The following KCNH4 variants were observed in gnomAD, a reference collection of about 807,000 sequenced individuals.
The protein encoded by KCNH4 is potassium voltage-gated channel subfamily H member 4, also known as voltage-gated delayed rectifier potassium channel KCNH4.
KCNH4 carries 33 observed loss-of-function variants against 90.7 expected under a neutral mutation model. That is an observed-to-expected ratio of 0.36 (90% CI 0.28 to 0.49). The LOEUF (loss-of-function observed/expected upper bound fraction) is 0.49, where lower values mean the gene tolerates loss of function less well. KCNH4 is among the 20% of genes least tolerant of loss of function. The pLI, the probability that KCNH4 is intolerant of heterozygous loss-of-function variation, is 0.98. For missense variants in KCNH4, 1,044 were observed against 1,387.1 expected, an observed-to-expected ratio of 0.75 and a Z score of 3.93; for synonymous variants, 551 against 581.7, an observed-to-expected ratio of 0.95 and a Z score of 0.76.
At position 42,163,794 on chromosome 17, in the gene KCNH4, G is replaced by T. The variant is rs757101246; in HGVS notation, c.2289C>A (p.Gly763=). ...GGGCTGAGAATGGGGGCAGCTCCTC[G>T]CCCAAAAGGCTGACCAGGGAGCCCC... ...RPRGSLVSLL[G]EELPPFSALV... Residue 763 remains glycine (G), a synonymous_variant, in exon 13 of 17, where the codon GGC becomes GGA. Coordinates refer to ENST00000264661, the MANE Select transcript of KCNH4 (RefSeq NM_012285.3). This position sits in a 1 kb window ranked among gnomAD's most constrained non-coding sequence, Gnocchi z 5.4. 2.1e-5 allele frequency: 32 copies of T among 1,540,348 alleles called. No individual in the cohort carries two copies. The Middle Eastern group carries it at 6.4e-4, about 31-fold the overall frequency.
chr17:42,181,026 G>C lies in KCNH4; in HGVS notation c.-81C>G. ...CCGGAGGGGGCGCGCTGTCGGAGGGGCCGGGGCGCCCCATGCGCCCTCCTG... is the reference window on the plus strand; with the variant it reads ...CCGGAGGGGGCGCGCTGTCGGAGGGCCCGGGGCGCCCCATGCGCCCTCCTG... On this transcript the variant is annotated 5_prime_UTR_variant, in exon 1 of 17. Coordinates refer to ENST00000264661, the MANE Select transcript of KCNH4 (RefSeq NM_012285.3). The C allele has an allele frequency of 1.5e-6, 2 of 1,307,238 alleles. No homozygotes were observed. The highest frequency in any genetic ancestry group is 2.1e-6 in the Non-Finnish European group (2 of 939,666). The allele number at this position is 1,307,238 out of a possible 1,614,324, so 81.0% of individuals were successfully genotyped here.
chr17:42,176,509 C>CTTTTTTTTTTTTTTTTTTTTTT (rs869250233), intron 4 of KCNH4, among the ~76,000 whole-genome samples: 1 of 68,466 alleles, frequency 1.5e-5, no homozygotes, highest in African/African-American at 6.6e-5. Context: ...GGCCCTCCTC[C>CTTTTTTTTTTTTTTTTTTTTTT]TTTTTTTTTT....
At chr17:42,157,807 G>T (rs1294811382) in intron 16 of KCNH4, among the ~76,000 whole-genome samples, 2 of 151,678 alleles carry the variant, frequency 1.3e-5, no homozygotes, top group Admixed American at 1.3e-4. Flanking sequence ...GGTGGGGGGG[G>T]TGTCTTGCTA....
Position 42,181,131 on chromosome 17 carries a change from G to A in KCNH4, c.-186C>T. The A allele has an allele frequency of 3.6e-6, 2 of 555,736 alleles. No individual in the cohort carries two copies. Among genetic ancestry groups the A allele is most frequent in the South Asian group, 2.2e-5 (1 of 44,966 alleles). The allele number at this position is 555,736 out of a possible 1,614,324, so 34.4% of individuals were successfully genotyped here. ...CCCGTAGCTCTCGGCTCGGCTCAGC[G>A]CCGTTTCGGTCCCCCCCACCTCCCC... On this transcript the variant is annotated 5_prime_UTR_variant, in exon 1 of 17. Transcript: ENST00000264661.
chr17:42,160,491 C>T, intron 15 of KCNH4, 56 bp from the exon 16 acceptor site: 2 of 1,504,446 alleles, frequency 1.3e-6, no homozygotes, highest in South Asian at 2.6e-5. Flanking sequence ...CAAGGTGCAC[C>T]CCCCTCTCCA....
chr17:42,162,241 A>C lies in KCNH4; in HGVS notation c.2658+7T>G. The C allele has an allele frequency of 6.2e-7, 1 of 1,613,590 alleles. No individual in the cohort carries two copies. Among genetic ancestry groups the C allele is most frequent in the Middle Eastern group, 1.7e-4 (1 of 6,060 alleles). ...TCAGGCACGTCTCTGAGCCAGCCCC[A>C]ACCCACCTCCTGGTTCAGCCGGCAA... is the stretch of plus-strand genomic sequence containing the variant. On this transcript the variant is annotated splice_region_variant and intron_variant, in intron 15 of 16. Transcript: ENST00000264661.
In KCNH4 at chr17:42,159,968, A is replaced by T; in HGVS notation, c.*72T>A. ...GCTGCTGACCCCAAGGCAGGAAGCC[A>T]AGGGGCCCAGGTCCTCCCTGAGTGG... On this transcript the variant is annotated 3_prime_UTR_variant, in exon 16 of 17. Transcript: ENST00000264661. The T allele has an allele frequency of 7.9e-7, 1 of 1,262,204 alleles. No homozygotes were observed. The highest frequency in any genetic ancestry group is 1.1e-6 in the Non-Finnish European group (1 of 951,004). The allele number at this position is 1,262,204 out of a possible 1,614,324, so 78.2% of individuals were successfully genotyped here. A position where few individuals can be genotyped will look rare whatever the true frequency, so the allele number is the denominator to read the frequency against.
chr17:42,172,020 T>TGTCA (rs1452025442), intron 6 of KCNH4, 25 bp from the exon 7 acceptor site: 4 of 1,557,008 alleles, frequency 2.6e-6, no homozygotes, highest in Non-Finnish European at 3.5e-6. Flanking sequence ...CGGGGGAGGC[T>TGTCA]GTCAGCAGGC....
rs530755041 is a variant in KCNH4 at position 42,169,552 on chromosome 17, C to T, written c.1515G>A (p.Pro505=). Residue 505 remains proline (P), a synonymous_variant, in exon 9 of 17, where the codon CCG becomes CCA. Transcript: ENST00000264661. ...CGAGCATGCGCTGCTTGAGCGGCCG[C>T]GGCAGGCGGTGCACACGGATGAAGT... is the stretch of plus-strand genomic sequence containing the variant. ...LKDFIRVHRL[P]RPLKQRMLEY... is the part of the protein sequence containing the mutation. 85 of 1,613,624 alleles carry T rather than the reference C, an allele frequency of 5.3e-5. No individual in the cohort carries two copies. The highest frequency in any genetic ancestry group is 1.4e-4 in the South Asian group (13 of 91,088).
chr17:42,163,188 C>T lies in KCNH4; in HGVS notation c.2584+40G>A, dbSNP rs2079760456. The T allele has an allele frequency of 2.2e-6, 3 of 1,337,082 alleles. No individual in the cohort carries two copies. Among genetic ancestry groups the T allele is most frequent in the Non-Finnish European group, 3.2e-6 (3 of 927,516 alleles). The allele number at this position is 1,337,082 out of a possible 1,614,324, so 82.8% of individuals were successfully genotyped here. A position where few individuals can be genotyped will look rare whatever the true frequency, so the allele number is the denominator to read the frequency against. Reference sequence around the variant, plus strand: ...TGGGATGGATGGACAGGTGGATGGGCAGATGGATGACGGGGTTGAAGTCCA... The same window carrying T: ...TGGGATGGATGGACAGGTGGATGGGTAGATGGATGACGGGGTTGAAGTCCA... On this transcript the variant is annotated intron_variant, in intron 14 of 16. Coordinates refer to ENST00000264661, the MANE Select transcript of KCNH4 (RefSeq NM_012285.3). The surrounding 1 kb of genome is among the most constrained non-coding windows in gnomAD (Gnocchi z 5.4).
intron 9 of KCNH4, 139 bp downstream of exon 9, chr17:42,169,338 C>G (rs1274072766): frequency 1.3e-6 from 1 of 790,680 alleles, no homozygotes; most frequent in East Asian, 2.7e-5. Flanking sequence ...CCTCAGCCTC[C>G]CAAAGTGCTG....
chr17:42,176,128 C>T lies in KCNH4; in HGVS notation c.755G>A (p.Gly252Asp). ...VTVPYNVCFS[G>D]DDDTPITSRH... Reference sequence around the variant, plus strand: ...CGAAGTGATGGGGGTGTCATCGTCACCCGAGAAACAGACATTGTAGGGGAC... The same window carrying T: ...CGAAGTGATGGGGGTGTCATCGTCATCCGAGAAACAGACATTGTAGGGGAC... Residue 252 changes from glycine to aspartate, a missense_variant, in exon 5 of 17, where the codon GGT becomes GAT. Coordinates refer to ENST00000264661, the MANE Select transcript of KCNH4 (RefSeq NM_012285.3). 2.5e-6 allele frequency: 4 copies of T among 1,613,884 alleles called. No homozygotes were observed. The highest frequency in any genetic ancestry group is 3.4e-6 in the Non-Finnish European group (4 of 1,179,904).
intron 6 of KCNH4, among the ~76,000 whole-genome samples, chr17:42,172,726 C>A (rs2079836103): frequency 6.6e-6 from 1 of 151,900 alleles, no homozygotes; most frequent in South Asian, 2.1e-4. Flanking sequence ...TGACTGACAC[C>A]ACAGTCCACC....
At position 42,160,166 on chromosome 17, in the gene KCNH4, A is replaced by T. The variant is rs1208712280; in HGVS notation, c.2928T>A (p.Pro976=). The T allele has an allele frequency of 8.1e-6, 13 of 1,613,056 alleles. No individual in the cohort carries two copies. The highest frequency in any genetic ancestry group is 1.0e-5 in the Non-Finnish European group (12 of 1,179,400). ...CTGAGGGGTAGGGGGGCAATATGGA[A>T]GGTCTCAAGTCCAGGAGCGCAGTCC... The part of the protein sequence containing the change: ...ETGTALLDLR[P]SILPPYPSEP... Residue 976 remains proline (P), a synonymous_variant, in exon 16 of 17, where the codon CCT becomes CCA. Coordinates refer to ENST00000264661, the MANE Select transcript of KCNH4 (RefSeq NM_012285.3).
At chr17:42,171,298 G>A (rs2079825455) in intron 7 of KCNH4, among the ~76,000 whole-genome samples, 1 of 152,036 alleles carries the variant, frequency 6.6e-6, no homozygotes. Context: ...TTTGAGAGGT[G>A]GTATTGATGT....
chr17:42,176,391 T>G, intron 4 of KCNH4, 94 bp from the exon 5 acceptor site: 6 of 1,256,390 alleles, frequency 4.8e-6, no homozygotes, highest in Non-Finnish European at 6.7e-6. Context: ...AGTTAGCAGG[T>G]GGGCACTGCA....
intron 10 of KCNH4, 77 bp downstream of exon 10, chr17:42,166,220 T>TG (rs771800199): frequency 1.1e-4 from 159 of 1,495,530 alleles, no homozygotes; most frequent in Non-Finnish European, 1.4e-4. Context: ...CCTAGAATCC[T>TG]GGCCATTCCC....
chr17:42,165,846 T>C (rs1185816080), intron 10 of KCNH4, among the ~76,000 whole-genome samples, 153 bp from the exon 11 acceptor site: 2 of 151,872 alleles, frequency 1.3e-5, no homozygotes, highest in Non-Finnish European at 2.9e-5. Flanking sequence ...ACCAATGGAA[T>C]TGGGAAAAGG....
At chr17:42,171,624 C>T (rs1598274334) in intron 7 of KCNH4, among the ~76,000 whole-genome samples, 164 bp downstream of exon 7, 1 of 152,180 alleles carries the variant, frequency 6.6e-6, no homozygotes, top group African/African-American at 2.4e-5. Context: ...GAGCCCTTGT[C>T]TGCAAATCAA....
Sources: gnomAD v4.1 joint callset for allele counts (sites outside exome capture counted in the v4.1 genomes callset) on GRCh38, gnomAD v4.1.1 for gene constraint, Gnocchi (gnomAD v3.1) non-coding constraint, MANE v1.5 for transcripts, NCBI Gene and HGNC (gene_info 2026-07-23, HGNC 2026-07-21) for gene names.